Variants in SMCO4 observed in about 807,000 individuals in gnomAD.
SMCO4 encodes the protein single-pass membrane and coiled-coil domain-containing protein 4.
In SMCO4, 4 loss-of-function variants were observed where a neutral mutation model predicts 3.6. That is an observed-to-expected ratio of 1.11 (90% confidence interval 0.54 to 2.53). The LOEUF (loss-of-function observed/expected upper bound fraction) is 2.53. SMCO4 is among the 30% of genes most tolerant of loss of function. SMCO4 has a pLI of 0.02. For missense variants in SMCO4, 70 were observed against 80.8 expected, an observed-to-expected ratio of 0.87 and a Z score of 0.51; for synonymous variants, 36 against 35.3, an observed-to-expected ratio of 1.02 and a Z score of -0.07.
intron 1 of SMCO4, among the ~76,000 whole-genome samples, chr11:93,541,069 A>T: frequency 6.6e-6 from 1 of 152,234 alleles, no homozygotes; most frequent in Non-Finnish European, 1.5e-5. Context: ...AAGAACAGGA[A>T]CATTCAGTTA....
chr11:93,540,097 G>A (rs556597833), intron 1 of SMCO4, among the ~76,000 whole-genome samples: 1 of 152,232 alleles, frequency 6.6e-6, no homozygotes, highest in South Asian at 2.1e-4. Flanking sequence ...CACAGGCCCT[G>A]GAATATTCAT....
intron 1 of SMCO4, among the ~76,000 whole-genome samples, chr11:93,502,346 C>G (rs903329932): frequency 2.0e-5 from 3 of 152,104 alleles, no homozygotes; most frequent in African/African-American, 7.2e-5. Context: ...CTCAAAAACA[C>G]CCAGCAAGTT....
At chr11:93,535,569 C>G (rs1162941130) in intron 1 of SMCO4, 33 of 1,498,906 alleles carry the variant, frequency 2.2e-5, no homozygotes, top group Non-Finnish European at 2.8e-5. Flanking sequence ...AGAAGTATGA[C>G]AGTCGAACCA....
At chr11:93,519,496 GA>G (rs941996776) in intron 1 of SMCO4, among the ~76,000 whole-genome samples, 1 of 152,208 alleles carries the variant, frequency 6.6e-6, no homozygotes, top group African/African-American at 2.4e-5. Flanking sequence ...CTGTCCAAGA[GA>G]ACAAGATAAA....
chr11:93,489,026 CA>C (rs1244236702), intron 2 of SMCO4, among the ~76,000 whole-genome samples: 3 of 152,192 alleles, frequency 2.0e-5, no homozygotes, highest in Admixed American at 1.3e-4. Context: ...GAAGAGGGGT[CA>C]GGGGCAAGAT....
chr11:93,515,947 AG>A (rs771691684), intron 1 of SMCO4, among the ~76,000 whole-genome samples: 256 of 152,232 alleles, frequency 1.7e-3, no homozygotes, highest in Non-Finnish European at 1.3e-3. Flanking sequence ...TGACCTGGCA[AG>A]GGGTCCAAAT....
intron 1 of SMCO4, among the ~76,000 whole-genome samples, chr11:93,528,633 A>G (rs1949133855): frequency 1.7e-5 from 1 of 59,212 alleles, no homozygotes; most frequent in African/African-American, 7.7e-5. Context: ...TCGCACTGTG[A>G]CCAGGGAGAC....
At chr11:93,516,606 A>G (rs767461210) in intron 1 of SMCO4, among the ~76,000 whole-genome samples, 11 of 152,158 alleles carry the variant, frequency 7.2e-5, no homozygotes, top group Non-Finnish European at 1.5e-4. Context: ...CCTAGCCAAC[A>G]TGGTGAAACC....
chr11:93,501,759 G>T (rs1288458892), intron 1 of SMCO4, among the ~76,000 whole-genome samples: 1 of 152,132 alleles, frequency 6.6e-6, no homozygotes, highest in African/African-American at 2.4e-5. Flanking sequence ...CCACCATTTA[G>T]CCAACTACGG....
At chr11:93,503,977 A>T (rs1591313254) in intron 1 of SMCO4, among the ~76,000 whole-genome samples, 1 of 152,366 alleles carries the variant, frequency 6.6e-6, no homozygotes, top group East Asian at 1.9e-4. Context: ...ATACACAATG[A>T]TCTTAATTAT....
At chr11:93,551,168 G>A in the SMCO4 span, among the ~76,000 whole-genome samples, 1 of 141,106 alleles carries the variant, frequency 7.1e-6, no homozygotes, top group East Asian at 2.1e-4. Flanking sequence ...GAGAAAAAAT[G>A]TATATAATTA....
rs979768212 is a variant in SMCO4, at chr11:93,487,661, A to AT, written c.-80-8393dup. ...ATTCTCAATAAATCAGATAAGTCAC[A>AT]TTTTTTTGGCACACTTGGATTAATA... On this transcript the variant is annotated intron_variant, in intron 2 of 2. Transcript: ENST00000298966. 3.9e-4 allele frequency among the ~76,000 whole-genome samples: 60 copies of AT among 152,266 alleles called. 1 individual carries two copies. The highest frequency in any genetic ancestry group is 1.4e-3 in the African/African-American group (57 of 41,560).
At position 93,479,131 on chromosome 11, in the gene SMCO4, T is replaced by G. The variant is rs1313678739; in HGVS notation, c.59A>C (p.Lys20Thr). 2.5e-6 allele frequency: 4 copies of G among 1,613,994 alleles called. No individual in the cohort carries two copies. The highest frequency in any genetic ancestry group is 3.4e-6 in the Non-Finnish European group (4 of 1,180,036). Residue 20 changes from lysine (K) to threonine (T), a missense_variant, in exon 3 of 3, where the codon AAG (lysine) becomes ACG (threonine). Lys to Thr is a moderately conservative substitution (Grantham distance 78). Transcript: ENST00000298966. The stretch of plus-strand genomic sequence containing the variant: ...CTGCCGGGCCTCCTGCATGGCTTGC[T>G]TCCGCTCCTTCTTGTCCTTGGAGGT... ...KETSKDKKER[K>T]QAMQEARQQI...
chr11:93,517,910 A>T (rs1949022525), intron 1 of SMCO4, among the ~76,000 whole-genome samples: 3 of 152,242 alleles, frequency 2.0e-5, no homozygotes. Flanking sequence ...CTTTTGCAAG[A>T]ACACATATGC....
At chr11:93,536,743 C>G (rs1393860661) in intron 1 of SMCO4, among the ~76,000 whole-genome samples, 1 of 152,124 alleles carries the variant, frequency 6.6e-6, no homozygotes, top group Non-Finnish European at 1.5e-5. Context: ...AATGCAAGGG[C>G]AGGCTGCAGG....
chr11:93,536,308 T>G (rs576078838), intron 1 of SMCO4, among the ~76,000 whole-genome samples: 1 of 152,230 alleles, frequency 6.6e-6, no homozygotes, highest in African/African-American at 2.4e-5. Flanking sequence ...ACATTTGACA[T>G]GCCAATTCTA....
the SMCO4 span, among the ~76,000 whole-genome samples, chr11:93,551,758 T>C: frequency 5.9e-5 from 9 of 152,336 alleles, no homozygotes; most frequent in African/African-American, 2.2e-4. Context: ...ACCTGTTTAA[T>C]GGGATTGAAT....
At chr11:93,503,299 CAG>C (rs1258618300) in intron 1 of SMCO4, among the ~76,000 whole-genome samples, 1 of 152,174 alleles carries the variant, frequency 6.6e-6, no homozygotes, top group Non-Finnish European at 1.5e-5. Flanking sequence ...AACCAAGTGA[CAG>C]GGGCTTCCCT....
chr11:93,526,919 C>T (rs769447276), intron 1 of SMCO4, among the ~76,000 whole-genome samples: 1 of 152,198 alleles, frequency 6.6e-6, no homozygotes, highest in Admixed American at 6.5e-5. Flanking sequence ...CCTGACAAGG[C>T]CACATATCTG....
Sources: gnomAD v4.1 joint callset for allele counts (sites outside exome capture counted in the v4.1 genomes callset) on GRCh38, gnomAD v4.1.1 for gene constraint, MANE v1.5 for transcripts, NCBI Gene and HGNC (gene_info 2026-07-23, HGNC 2026-07-21) for gene names.